Variants in KIF16B observed in about 807,000 individuals in gnomAD.
KIF16B encodes kinesin-like protein KIF16B.
In KIF16B, 98 loss-of-function variants were observed where a neutral mutation model predicts 156.3. That is an observed-to-expected ratio of 0.63 (90% CI 0.53 to 0.74). The LOEUF (loss-of-function observed/expected upper bound fraction) is 0.74. Ranked by LOEUF, KIF16B falls within the 30% of genes least tolerant of loss-of-function variation. The pLI is 0.00. For synonymous variants in KIF16B, 564 were observed against 583.7 expected, an observed-to-expected ratio of 0.97 and a Z score of 0.49; for missense variants, 1,421 against 1,606.5, an observed-to-expected ratio of 0.88 and a Z score of 1.97.
intron 15 of KIF16B, among the ~76,000 whole-genome samples, chr20:16,425,673 G>A (rs553548535): frequency 4.6e-5 from 7 of 152,194 alleles, no homozygotes; most frequent in African/African-American, 1.7e-4. Context: ...CACCTTAGTT[G>A]GATGATCAAA....
chr20:16,470,445 T>C (rs895183300), intron 12 of KIF16B, among the ~76,000 whole-genome samples: 11 of 152,046 alleles, frequency 7.2e-5, no homozygotes, highest in African/African-American at 2.7e-4. Flanking sequence ...CCAGGAAGTA[T>C]ATGGGAACTC....
intron 25 of KIF16B, among the ~76,000 whole-genome samples, chr20:16,294,209 G>A (rs2063351362): frequency 6.6e-6 from 1 of 152,074 alleles, no homozygotes; most frequent in Non-Finnish European, 1.5e-5. Flanking sequence ...AGCAATAAGT[G>A]TAAACACATA....
intron 25 of KIF16B, among the ~76,000 whole-genome samples, chr20:16,304,491 G>A (rs1039924281): frequency 6.6e-6 from 1 of 152,100 alleles, no homozygotes; most frequent in African/African-American, 2.4e-5. Context: ...TTTCAAAAAT[G>A]CTTTGCTGCT....
intron 15 of KIF16B, among the ~76,000 whole-genome samples, chr20:16,417,072 A>T (rs1425028847): frequency 6.6e-6 from 1 of 152,148 alleles, no homozygotes; most frequent in East Asian, 1.9e-4. Context: ...GGAGACAGGC[A>T]TATGAAAGAG....
Position 16,563,378 on chromosome 20 carries a change from C to G in KIF16B, c.47+9851G>C, listed in dbSNP as rs145111605. On this transcript the variant is annotated intron_variant, in intron 1 of 25. Transcript: ENST00000354981. ...CAGTCAAAGCCACCAAAATAAATCT[C>G]TCAGTCCTCAGGAAGGAGCTAAAAC... Among the ~76,000 whole-genome samples the G allele has an allele frequency of 1.6e-3, 241 of 152,350 alleles. 1 individual carries two copies. The highest frequency in any genetic ancestry group is 5.6e-3 in the African/African-American group (234 of 41,586).
chr20:16,432,386 T>C (rs1161467896), intron 12 of KIF16B, among the ~76,000 whole-genome samples: 1 of 152,108 alleles, frequency 6.6e-6, no homozygotes, highest in Non-Finnish European at 1.5e-5. Context: ...CTGACTCCTA[T>C]AGTCAAGACG....
intron 22 of KIF16B, chr20:16,368,604 T>G: frequency 1.0e-6 from 1 of 985,932 alleles, no homozygotes; most frequent in South Asian, 4.7e-5. Flanking sequence ...AATATCCCAG[T>G]CCATTGTTTC....
chr20:16,356,163 G>A (rs2064437036), intron 23 of KIF16B, among the ~76,000 whole-genome samples, 167 bp downstream of exon 23: 1 of 152,186 alleles, frequency 6.6e-6, no homozygotes, highest in Admixed American at 6.5e-5. Flanking sequence ...CCTTCCATGT[G>A]TTACAGTCAA....
Position 16,509,067 on chromosome 20 carries a change from T to C in KIF16B, c.557-967A>G, listed in dbSNP as rs528811737. 3.3e-5 allele frequency among the ~76,000 whole-genome samples: 5 copies of C among 152,332 alleles called. No homozygotes were observed. The East Asian group carries it at 9.6e-4, about 29-fold the overall frequency. On this transcript the variant is annotated intron_variant, in intron 6 of 25. Transcript: ENST00000354981. ...ATCATATTTATATATAATTATCTTT[T>C]TCCCCTTACATACAAATGGTAGCAT...
At chr20:16,408,590 G>A (rs1265999266) in intron 15 of KIF16B, among the ~76,000 whole-genome samples, 1 of 152,076 alleles carries the variant, frequency 6.6e-6, no homozygotes, top group African/African-American at 2.4e-5. Flanking sequence ...AGTCATGCAA[G>A]TTGAAAATTG....
intron 12 of KIF16B, among the ~76,000 whole-genome samples, chr20:16,442,315 T>C (rs1293081929): frequency 6.8e-6 from 1 of 146,102 alleles, no homozygotes; most frequent in East Asian, 2.0e-4. Context: ...GTTAATTGGC[T>C]AGATTTAACC....
At chr20:16,550,550 T>C (rs1368371072) in intron 1 of KIF16B, among the ~76,000 whole-genome samples, 2 of 145,140 alleles carry the variant, frequency 1.4e-5, no homozygotes, top group African/African-American at 5.3e-5. Flanking sequence ...TTTTTTTTTT[T>C]TGACACAGGG....
chr20:16,503,942 A>C (rs951026943), intron 10 of KIF16B, among the ~76,000 whole-genome samples: 3 of 152,182 alleles, frequency 2.0e-5, no homozygotes, highest in Non-Finnish European at 2.9e-5. Flanking sequence ...CCACCTCTCT[A>C]ATAGGTGATA....
chr20:16,436,050 T>C (rs1252679000), intron 12 of KIF16B, among the ~76,000 whole-genome samples: 3 of 152,190 alleles, frequency 2.0e-5, no homozygotes, highest in Non-Finnish European at 4.4e-5. Context: ...GCGTGCTATA[T>C]TCCTCTTCTT....
chr20:16,363,791 A>AAAGTTTT (rs1202288010), intron 22 of KIF16B, among the ~76,000 whole-genome samples: 3 of 152,254 alleles, frequency 2.0e-5, no homozygotes, highest in African/African-American at 7.2e-5. Context: ...ATCTACTTGC[A>AAAGTTTT]AAGCAGCAGA....
chr20:16,312,474 C>A, intron 24 of KIF16B, 56 bp from the exon 25 acceptor site: 1 of 1,243,790 alleles, frequency 8.0e-7, no homozygotes, highest in Non-Finnish European at 1.2e-6. Context: ...AATTGTTGGG[C>A]TATTATTAAT....
chr20:16,472,795 C>G (rs1315192432), intron 12 of KIF16B, among the ~76,000 whole-genome samples: 1 of 152,142 alleles, frequency 6.6e-6, no homozygotes, highest in Non-Finnish European at 1.5e-5. Context: ...TCAACCTATT[C>G]TATGTGCCAC....
chr20:16,420,632 C>T (rs1355401034), intron 15 of KIF16B, among the ~76,000 whole-genome samples: 1 of 152,102 alleles, frequency 6.6e-6, no homozygotes, highest in African/African-American at 2.4e-5. Flanking sequence ...CACGCAGCCG[C>T]AGTCTCTCTT....
intron 12 of KIF16B, among the ~76,000 whole-genome samples, chr20:16,489,834 T>C (rs748264137): frequency 6.6e-6 from 1 of 152,102 alleles, no homozygotes; most frequent in Non-Finnish European, 1.5e-5. Context: ...TCCCCGGTGA[T>C]GTTGATGCTG....
Sources: allele counts gnomAD v4.1 joint callset (sites outside exome capture counted in the v4.1 genomes callset), GRCh38; gene constraint gnomAD v4.1.1; transcripts MANE v1.5; gene names NCBI Gene and HGNC (gene_info 2026-07-23, HGNC 2026-07-21).